ZSCAN5A: variants seen among roughly 807,000 people sequenced by gnomAD.
ZSCAN5A encodes zinc finger and SCAN domain containing 5A.
ZSCAN5A carries 12 observed loss-of-function variants against 23.7 expected under a neutral mutation model. The ratio of observed to expected loss-of-function variants is 0.51; its 90% CI spans 0.32 to 0.82. The LOEUF is 0.82. ZSCAN5A is among the 40% of genes least tolerant of loss of function. ZSCAN5A has a pLI of 0.03. For missense variants in ZSCAN5A, 597 were observed against 617.9 expected (o/e 0.97, Z 0.36); for synonymous variants, 257 against 239.9 (o/e 1.07, Z -0.66).
In ZSCAN5A at chr19:56,352,875, C is replaced by A. The variant is rs559976379; in HGVS notation, c.-358+10360G>T. On this transcript the variant is annotated intron_variant, in intron 2 of 6. Transcript: ENST00000587340. This position sits in a 1 kb window ranked among gnomAD's most constrained non-coding sequence, Gnocchi z 4.2. ...CAGGGAAGCCCAAGTCAAGTCTGGT[C>A]GAGGAGAAGGTCTTTGCCAGATGGC... is the stretch of plus-strand genomic sequence containing the variant. Among the ~76,000 whole-genome samples the A allele has an allele frequency of 2.6e-5, 4 of 152,288 alleles. No individual in the cohort carries two copies. In the East Asian group the frequency reaches 7.7e-4, roughly 29 times the overall value.
In ZSCAN5A at chr19:56,326,305, TTGTG is replaced by T. The variant is rs368735639; in HGVS notation, c.-357-10041_-357-10038del. ...ATATATCCACATCTCACAGTTACCA[TTGTG>T]TGTGTGTGTGTGTGTGTGTGTGTGT... On this transcript the variant is annotated intron_variant, in intron 2 of 6. Transcript: ENST00000587340. Among the ~76,000 whole-genome samples, 1,193 of 145,582 alleles carry T rather than the reference TTGTG, an allele frequency of 8.2e-3. 3 individuals carry two copies. Among genetic ancestry groups the T allele is most frequent in the Non-Finnish European group, 0.012 (779 of 65,612 alleles).
chr19:56,305,605 G>A (rs964616413), intron 2 of ZSCAN5A, among the ~76,000 whole-genome samples: 2 of 152,122 alleles, frequency 1.3e-5, no homozygotes, highest in African/African-American at 4.8e-5. Flanking sequence ...GAATTGCTAG[G>A]TCATATGATA....
rs142548810 is a variant in ZSCAN5A, at chr19:56,342,685, C to A, written c.-358+20550G>T. 2.3e-3 allele frequency: 1,365 copies of A among 603,902 alleles called. 17 individuals carry two copies. The East Asian group carries it at 0.027, about 12-fold the overall frequency. 37.4% of individuals were successfully genotyped at this position (603,902 alleles called of 1,614,324 possible). A position where few individuals can be genotyped will look rare whatever the true frequency, so the allele number is the denominator to read the frequency against. On this transcript the variant is annotated intron_variant, in intron 2 of 6. Coordinates refer to the ZSCAN5A transcript ENST00000587340. ...GCCAGTAGGAGTCCCCACGGGTGAACATGAAGTAACTATACATCTGTTTTT... is the reference window on the plus strand; with the variant it reads ...GCCAGTAGGAGTCCCCACGGGTGAAAATGAAGTAACTATACATCTGTTTTT...
At chr19:56,321,991 G>A in intron 2 of ZSCAN5A, 3 of 779,698 alleles carry the variant, frequency 3.8e-6, no homozygotes, top group Admixed American at 1.7e-5. Context: ...TTCTGCTGCT[G>A]GTCCCTGGTA....
At chr19:56,340,822 T>C (rs1479689335) in intron 2 of ZSCAN5A, 1 of 152,142 alleles carries the variant, frequency 6.6e-6, no homozygotes, top group East Asian at 1.9e-4. Flanking sequence ...TGCTTGAGAG[T>C]TGAAAATGAG....
chr19:56,224,651 G>A lies in ZSCAN5A; in HGVS notation c.384+12C>T, dbSNP rs1244556996. On this transcript the variant is annotated intron_variant, in intron 3 of 5. Coordinates refer to ENST00000683990, the MANE Select transcript of ZSCAN5A (RefSeq NM_001322064.3). ...TCCCCTTCCCTGCACCAATCACGAGGGTCCCACTCACCCATTTCTTGGGTC... is the reference window on the plus strand; with the variant it reads ...TCCCCTTCCCTGCACCAATCACGAGAGTCCCACTCACCCATTTCTTGGGTC... 4 of 1,556,872 alleles carry A rather than the reference G, an allele frequency of 2.6e-6. No homozygotes were observed. In the African/African-American group the frequency reaches 5.4e-5, roughly 21 times the overall value.
intron 2 of ZSCAN5A, among the ~76,000 whole-genome samples, chr19:56,285,793 T>C (rs1420174748): frequency 6.6e-6 from 1 of 152,124 alleles, no homozygotes; most frequent in Admixed American, 6.5e-5. Context: ...TTTGTTTTAT[T>C]TTGTTTTGAT....
At chr19:56,280,721 G>C (rs2038627506) in intron 2 of ZSCAN5A, 1 of 152,178 alleles carries the variant, frequency 6.6e-6, no homozygotes, top group Non-Finnish European at 1.5e-5. Flanking sequence ...AGGACAGAGA[G>C]AGAGACAGAA....
At chr19:56,253,293 T>C (rs1248119083) in intron 2 of ZSCAN5A, among the ~76,000 whole-genome samples, 2 of 146,424 alleles carry the variant, frequency 1.4e-5, no homozygotes, top group East Asian at 2.0e-4. Flanking sequence ...AAAAGTCCTC[T>C]GGATGGTCAG....
At chr19:56,349,028 C>A (rs2041651471) in intron 2 of ZSCAN5A, among the ~76,000 whole-genome samples, 1 of 152,172 alleles carries the variant, frequency 6.6e-6, no homozygotes, top group African/African-American at 2.4e-5. Context: ...TGCCAGCCTC[C>A]AGCCAATGAA....
At position 56,221,911 on chromosome 19, in the gene ZSCAN5A, T is replaced by G; in HGVS notation, c.1155A>C (p.Gln385His). Reference protein sequence around the residue: ...KRSHTGERLFQCNLCGKRFMQ... With the variant: ...KRSHTGERLFHCNLCGKRFMQ... ...TGAAGCGCTTCCCACAGAGATTACA[T>G]TGAAAGAGTCTCTCGCCTGTGTGTG... Residue 385 changes from glutamine (Q) to histidine (H), a missense_variant, in exon 6 of 6, where the codon CAA becomes CAC. This residue lies in a region of ZSCAN5A where 406 missense variants were observed against 353.2 expected (regional missense o/e 1.15). Coordinates refer to ENST00000683990, the MANE Select transcript of ZSCAN5A (RefSeq NM_001322064.3). The G allele has an allele frequency of 6.2e-7, 1 of 1,614,198 alleles. No individual in the cohort carries two copies. Among genetic ancestry groups the G allele is most frequent in the Non-Finnish European group, 8.5e-7 (1 of 1,180,034 alleles).
chr19:56,229,673 C>T (rs2034285952), intron 2 of ZSCAN5A, among the ~76,000 whole-genome samples: 1 of 152,182 alleles, frequency 6.6e-6, no homozygotes, highest in Non-Finnish European at 1.5e-5. Context: ...GAAGAGACCG[C>T]ATCGAATCTG....
intron 2 of ZSCAN5A, chr19:56,342,659 T>TG (rs2041602674): frequency 5.5e-6 from 3 of 544,178 alleles, no homozygotes; most frequent in Non-Finnish European, 1.0e-5. Flanking sequence ...CTTGACCTCC[T>TG]GCCAGTAGGA....
Position 56,222,311 on chromosome 19 carries a change from G to T in ZSCAN5A, c.755C>A (p.Ala252Glu). ...TTTTGGGGGGTCCTTCCCCTCCTTT[G>T]CTCTCACCAGATCTGCTGGAAGAAG... Reference protein sequence around the residue: ...LPKSPTDLVRAKEGKDPPKIA... With the variant: ...LPKSPTDLVREKEGKDPPKIA... Residue 252 changes from alanine to glutamate, a missense_variant, in exon 6 of 6, where the codon GCA (alanine) becomes GAA (glutamate). Transcript: ENST00000683990. 6.2e-7 allele frequency: 1 copy of T among 1,611,576 alleles called. No individual in the cohort carries two copies.
At chr19:56,304,707 G>A in intron 2 of ZSCAN5A, 1 of 772,262 alleles carries the variant, frequency 1.3e-6, no homozygotes, top group African/African-American at 1.9e-5. Flanking sequence ...AGAGGGGGAT[G>A]GGGAGAAAGG....
chr19:56,323,490 C>A (rs1016583427), intron 2 of ZSCAN5A, among the ~76,000 whole-genome samples: 3 of 150,580 alleles, frequency 2.0e-5, no homozygotes, highest in African/African-American at 7.3e-5. Flanking sequence ...TATGTTTGAT[C>A]CCAGGTTTGT....
intron 2 of ZSCAN5A, among the ~76,000 whole-genome samples, chr19:56,262,849 T>C (rs2037223062): frequency 6.6e-6 from 1 of 152,274 alleles, no homozygotes; most frequent in African/African-American, 2.4e-5. Context: ...TTCCTTGATT[T>C]ATTTATCCAT....
chr19:56,285,883 T>C (rs1312113236), intron 2 of ZSCAN5A, among the ~76,000 whole-genome samples: 5 of 152,340 alleles, frequency 3.3e-5, no homozygotes, highest in Non-Finnish European at 5.9e-5. Context: ...TCTGTTAAGT[T>C]CCTAAAAGGG....
rs187063768 is a variant in ZSCAN5A, at chr19:56,360,146, A to G, written c.-358+3089T>C. ...AAGAAGTCAACTTGTCTTTGTTTGC[A>G]GATGACATGATGCTGTATCTAGAAA... On this transcript the variant is annotated intron_variant, in intron 2 of 6. Coordinates refer to the ZSCAN5A transcript ENST00000587340. 8.9e-4 allele frequency among the ~76,000 whole-genome samples: 135 copies of G among 152,374 alleles called. 1 individual carries two copies. Among genetic ancestry groups the G allele is most frequent in the African/African-American group, 3.1e-3 (131 of 41,594 alleles).
Sources: allele counts gnomAD v4.1 joint callset (sites outside exome capture counted in the v4.1 genomes callset), GRCh38; gene constraint gnomAD v4.1.1; regional missense constraint gnomAD v4.1.1; non-coding constraint Gnocchi (gnomAD v3.1); transcripts MANE v1.5; gene names NCBI Gene and HGNC (gene_info 2026-07-23, HGNC 2026-07-21).